Variants in AGAP1 observed in about 807,000 individuals in gnomAD.
AGAP1 encodes arf-GAP with GTPase, ANK repeat and PH domain-containing protein 1.
Under a neutral mutation model 105.3 loss-of-function variants are expected in AGAP1, and 29 were observed. The observed-to-expected ratio is 0.28, with a 90% CI of 0.21 to 0.38. The LOEUF (loss-of-function observed/expected upper bound fraction) is 0.38. Among genes scored for constraint, AGAP1 ranks in the 10% least tolerant of loss-of-function variants. AGAP1 has a pLI of 1.00. For missense variants in AGAP1, 998 were observed against 1,165.1 expected (o/e 0.86, Z 2.09); for synonymous variants, 509 against 485.9 (o/e 1.05, Z -0.63).
At chr2:235,668,374 A>G (rs768640785) in intron 1 of AGAP1, among the ~76,000 whole-genome samples, 1 of 152,168 alleles carries the variant, frequency 6.6e-6, no homozygotes, top group African/African-American at 2.4e-5. Context: ...GTACCCCCAC[A>G]ATAAGATTAA....
rs1946154804 is a variant in AGAP1, at chr2:235,612,336, A to G, written c.164-96843A>G. On this transcript the variant is annotated intron_variant, in intron 1 of 17. Coordinates refer to ENST00000304032, the MANE Select transcript of AGAP1 (RefSeq NM_001037131.3). This position sits in a 1 kb window ranked among gnomAD's most constrained non-coding sequence, Gnocchi z 4.3. ...GCGGTGCCTGGTTAAAGTGGGGCTC[A>G]GATGCCCCTTGGTTGCATTTAATGT... Among the ~76,000 whole-genome samples, 1 of 152,170 alleles carries G rather than the reference A, an allele frequency of 6.6e-6. No individual in the cohort carries two copies. Among genetic ancestry groups the G allele is most frequent in the Non-Finnish European group, 1.5e-5 (1 of 68,034 alleles).
chr2:235,670,798 G>A (rs1172779165), intron 1 of AGAP1: 7 of 1,363,114 alleles, frequency 5.1e-6, no homozygotes, highest in South Asian at 3.9e-5. Context: ...AACGCAGTAA[G>A]AGCAAGAACC....
rs10210531 is a variant in AGAP1, at chr2:235,905,173, A to C, written c.1156-3565A>C. ...TTGTATGTTAAAACATGCCTATTAA[A>C]AGAGCCCATGCTGAGGCTTAGTCAC... On this transcript the variant is annotated intron_variant, in intron 10 of 17. Coordinates refer to ENST00000304032, the MANE Select transcript of AGAP1 (RefSeq NM_001037131.3). This position sits in a 1 kb window ranked among gnomAD's most constrained non-coding sequence, Gnocchi z 4.2. Among the ~76,000 whole-genome samples the C allele has an allele frequency of 0.08, 12,226 of 152,214 alleles. 1,648 individuals are homozygous for C. Among genetic ancestry groups the C allele is most frequent in the African/African-American group, 0.28 (11,442 of 41,488 alleles).
At position 235,614,930 on chromosome 2, in the gene AGAP1, T is replaced by C. The variant is rs78852265; in HGVS notation, c.164-94249T>C. Among the ~76,000 whole-genome samples the C allele has an allele frequency of 0.016, 2,458 of 152,332 alleles. 56 individuals are homozygous for C. The highest frequency in any genetic ancestry group is 0.084 in the East Asian group (434 of 5,176). On this transcript the variant is annotated intron_variant, in intron 1 of 17. Coordinates refer to ENST00000304032, the MANE Select transcript of AGAP1 (RefSeq NM_001037131.3). This position sits in a 1 kb window ranked among gnomAD's most constrained non-coding sequence, Gnocchi z 4.7. ...ATATTTTACAACAAATTTGGTTCAC[T>C]GGGGCCGACTTGAAAATAGTCAAAG...
At chr2:235,685,527 G>A (rs1949332567) in intron 1 of AGAP1, among the ~76,000 whole-genome samples, 1 of 151,622 alleles carries the variant, frequency 6.6e-6, no homozygotes, top group Non-Finnish European at 1.5e-5. Context: ...GACCTGACCA[G>A]TAGAGAACAA....
intron 1 of AGAP1, among the ~76,000 whole-genome samples, chr2:235,509,563 A>G (rs868119761): frequency 4.1e-4 from 62 of 151,998 alleles, no homozygotes; most frequent in African/African-American, 1.1e-3. Flanking sequence ...GTAAACTCCA[A>G]CTCTTGAAAG....
intron 13 of AGAP1, among the ~76,000 whole-genome samples, chr2:236,029,229 C>T (rs1454296297): frequency 1.3e-5 from 2 of 151,264 alleles, no homozygotes; most frequent in African/African-American, 4.9e-5. Flanking sequence ...TGCTCACCAA[C>T]CTGTCTTTCA....
intron 6 of AGAP1, among the ~76,000 whole-genome samples, chr2:235,780,501 G>T (rs1956195459): frequency 1.3e-5 from 2 of 152,152 alleles, no homozygotes; most frequent in Admixed American, 1.3e-4. Context: ...GCACACCACA[G>T]ATTTGCTGAA....
intron 16 of AGAP1, among the ~76,000 whole-genome samples, chr2:236,088,690 C>T (rs1419576921): frequency 6.6e-6 from 1 of 152,170 alleles, no homozygotes; most frequent in East Asian, 1.9e-4. Flanking sequence ...TAAACTAAGT[C>T]CAGAGCGGTC....
chr2:235,696,994 AAAG>A (rs1359708898), intron 1 of AGAP1, among the ~76,000 whole-genome samples: 1 of 152,212 alleles, frequency 6.6e-6, no homozygotes, highest in East Asian at 1.9e-4. Flanking sequence ...TCAAAAAAAA[AAAG>A]AGAAGTATCC....
rs1323412008 is a variant in AGAP1 at position 235,981,113 on chromosome 2, G to A, written c.1645+12490G>A. On this transcript the variant is annotated intron_variant, in intron 13 of 17. Coordinates refer to ENST00000304032, the MANE Select transcript of AGAP1 (RefSeq NM_001037131.3). This position sits in a 1 kb window ranked among gnomAD's most constrained non-coding sequence, Gnocchi z 5.5. ...AGGCTAAGGAATTAGACACCCCAGA[G>A]TATGTGATCACTGTGAGATGTTTCT... Among the ~76,000 whole-genome samples the A allele has an allele frequency of 3.3e-5, 5 of 152,146 alleles. No individual in the cohort carries two copies. The highest frequency in any genetic ancestry group is 4.8e-5 in the African/African-American group (2 of 41,416).
Position 235,943,966 on chromosome 2 carries a change from A to G in AGAP1, c.1483+13043A>G, listed in dbSNP as rs77769890. ...AAGTGATATTAATATTAATTATACA[A>G]TGATACTAAAAATTTTATATCACAC... On this transcript the variant is annotated intron_variant, in intron 12 of 17. Coordinates refer to ENST00000304032, the MANE Select transcript of AGAP1 (RefSeq NM_001037131.3). Among the ~76,000 whole-genome samples, 537 of 152,364 alleles carry G rather than the reference A, an allele frequency of 3.5e-3. 2 individuals are homozygous for G. The highest frequency in any genetic ancestry group is 0.012 in the African/African-American group (486 of 41,590).
chr2:235,788,511 G>A lies in AGAP1; in HGVS notation c.674-9248G>A, dbSNP rs542612658. On this transcript the variant is annotated intron_variant, in intron 6 of 17. Transcript: ENST00000304032. The surrounding 1 kb of genome is among the most constrained non-coding windows in gnomAD (Gnocchi z 6.0). ...AGAGGAGTGGGAGGGTAGGTGAGGC[G>A]GGGTGAGGAGAGGATTGGGAGGCAA... Among the ~76,000 whole-genome samples the A allele has an allele frequency of 2.6e-5, 4 of 151,516 alleles. No homozygotes were observed. Among genetic ancestry groups the A allele is most frequent in the African/African-American group, 9.7e-5 (4 of 41,264 alleles).
chr2:235,561,886 T>G (rs1944164207), intron 1 of AGAP1, among the ~76,000 whole-genome samples: 1 of 152,214 alleles, frequency 6.6e-6, no homozygotes, highest in African/African-American at 2.4e-5. Flanking sequence ...CCTTCCCAGT[T>G]GGACTTCTGT....
chr2:235,990,366 G>C (rs968700519), intron 13 of AGAP1, among the ~76,000 whole-genome samples: 9 of 152,186 alleles, frequency 5.9e-5, no homozygotes, highest in Non-Finnish European at 1.2e-4. Context: ...GAATTAGAAT[G>C]GGTGCAGCTA....
In AGAP1 at chr2:235,953,383, A is replaced by AT. The variant is rs1012704119; in HGVS notation, c.1484-15073dup. 1.2e-4 allele frequency among the ~76,000 whole-genome samples: 18 copies of AT among 152,168 alleles called. No individual in the cohort carries two copies. The highest frequency in any genetic ancestry group is 4.1e-4 in the African/African-American group (17 of 41,444). On this transcript the variant is annotated intron_variant, in intron 12 of 17. Transcript: ENST00000304032. This position sits in a 1 kb window ranked among gnomAD's most constrained non-coding sequence, Gnocchi z 5.2. ...CGTAATTTATCGTTATAAGATGTTA[A>AT]TTTTTTATTCTCCAAAATGTTCAGA...
Position 236,050,327 on chromosome 2 carries a change from G to C in AGAP1, c.2114+1046G>C, listed in dbSNP as rs879394318. ...GCTCACTGGAGAGAATGAAGCTGGT[G>C]TGTTACTCATCTGGCTCTCCGTATG... On this transcript the variant is annotated intron_variant, in intron 16 of 17. Transcript: ENST00000304032. This position sits in a 1 kb window ranked among gnomAD's most constrained non-coding sequence, Gnocchi z 4.0. 2.0e-5 allele frequency among the ~76,000 whole-genome samples: 3 copies of C among 152,198 alleles called. No homozygotes were observed. The highest frequency in any genetic ancestry group is 4.4e-5 in the Non-Finnish European group (3 of 68,042).
At chr2:236,047,248 T>C (rs2057748498) in intron 15 of AGAP1, among the ~76,000 whole-genome samples, 1 of 152,066 alleles carries the variant, frequency 6.6e-6, no homozygotes, top group Admixed American at 6.6e-5. Flanking sequence ...GCTGCGTCCA[T>C]GGTCAGGAGG....
At position 235,692,388 on chromosome 2, in the gene AGAP1, C is replaced by T. The variant is rs1279862347; in HGVS notation, c.164-16791C>T. Among the ~76,000 whole-genome samples the T allele has an allele frequency of 3.9e-5, 6 of 152,132 alleles. No homozygotes were observed. Among genetic ancestry groups the T allele is most frequent in the Non-Finnish European group, 7.3e-5 (5 of 68,028 alleles). On this transcript the variant is annotated intron_variant, in intron 1 of 17. Coordinates refer to ENST00000304032, the MANE Select transcript of AGAP1 (RefSeq NM_001037131.3). The surrounding 1 kb of genome is among the most constrained non-coding windows in gnomAD (Gnocchi z 5.8). ...CTTTGTGCCTGCACTGCCAGGTGCA[C>T]ATCGAGCCTAATCTGGCTTAGGAAA...
Sources: allele counts gnomAD v4.1 joint callset (sites outside exome capture counted in the v4.1 genomes callset), GRCh38; gene constraint gnomAD v4.1.1; non-coding constraint Gnocchi (gnomAD v3.1); transcripts MANE v1.5; gene names NCBI Gene and HGNC (gene_info 2026-07-23, HGNC 2026-07-21).